The following HUNK variants were observed in gnomAD, a reference collection of about 807,000 sequenced individuals.
HUNK encodes hormonally up-regulated Neu-associated kinase, also known as hormonally up-regulated neu tumor-associated kinase.
Under a neutral mutation model 61.0 loss-of-function variants are expected in HUNK, and 21 were observed. The observed-to-expected ratio is 0.34, with a 90% confidence interval of 0.24 to 0.50. The LOEUF (loss-of-function observed/expected upper bound fraction) is 0.50, where lower values mean the gene tolerates loss of function less well. HUNK is among the 20% of genes least tolerant of loss of function. The pLI is 0.98. For synonymous variants in HUNK, 371 were observed against 386.1 expected (o/e 0.96, Z 0.46); for missense variants, 772 against 945.7 (o/e 0.82, Z 2.41).
At chr21:31,928,193 G>A (rs965579114) in intron 2 of HUNK, among the ~76,000 whole-genome samples, 1 of 152,116 alleles carries the variant, frequency 6.6e-6, no homozygotes, top group African/African-American at 2.4e-5. Context: ...ATAGAACCAG[G>A]GACTGGGAGC....
At chr21:31,945,717 C>T (rs2052797801) in intron 3 of HUNK, among the ~76,000 whole-genome samples, 1 of 152,056 alleles carries the variant, frequency 6.6e-6, no homozygotes, top group Non-Finnish European at 1.5e-5. Flanking sequence ...CGAATTCTCT[C>T]TTTTTTTCCT....
At chr21:31,918,331 C>T (rs2052599808) in intron 1 of HUNK, among the ~76,000 whole-genome samples, 1 of 152,136 alleles carries the variant, frequency 6.6e-6, no homozygotes. Context: ...AGCTTAAGGG[C>T]TCAGGGTTTT....
intron 4 of HUNK, among the ~76,000 whole-genome samples, chr21:31,952,000 A>G (rs150887237): frequency 2.4e-4 from 35 of 148,808 alleles, no homozygotes; most frequent in African/African-American, 8.3e-4. Context: ...TTAGCTTCTG[A>G]GATTATTCAG....
chr21:31,974,739 A>C (rs778491908), intron 7 of HUNK, 22 bp downstream of exon 7: 88 of 1,597,592 alleles, frequency 5.5e-5, no homozygotes, highest in Non-Finnish European at 7.3e-5. Context: ...CCTAGAGGCG[A>C]TCGTCTCTGC....
Position 31,970,671 on chromosome 21 carries a change from G to A in HUNK, c.1010+2286G>A, listed in dbSNP as rs115889501. On this transcript the variant is annotated intron_variant, in intron 6 of 10. Transcript: ENST00000270112. Reference sequence around the variant, plus strand: ...GAGCATAATCAATCCACTCAATGCGGCAACTGTTGAAGGAAGTGGAGTTGG... The same window carrying A: ...GAGCATAATCAATCCACTCAATGCGACAACTGTTGAAGGAAGTGGAGTTGG... 4.0e-3 allele frequency among the ~76,000 whole-genome samples: 607 copies of A among 152,290 alleles called. 5 individuals are homozygous for A. Among genetic ancestry groups the A allele is most frequent in the African/African-American group, 0.014 (579 of 41,548 alleles).
At position 31,924,266 on chromosome 21, in the gene HUNK, ATGTG is replaced by A. The variant is rs146734481; in HGVS notation, c.262-186_262-183del. On this transcript the variant is annotated intron_variant, in intron 1 of 10. Coordinates refer to ENST00000270112, the MANE Select transcript of HUNK (RefSeq NM_014586.2). This position sits in a 1 kb window ranked among gnomAD's most constrained non-coding sequence, Gnocchi z 5.1. Reference sequence around the variant, plus strand: ...TGATTTTTCCTAATGTTGTACCTATATGTGTGTGTGTGTGTGTGTTTGTGTGGTA... The same window carrying A: ...TGATTTTTCCTAATGTTGTACCTATATGTGTGTGTGTGTGTTTGTGTGGTA... Among the ~76,000 whole-genome samples, 1 of 81,314 alleles carries A rather than the reference ATGTG, an allele frequency of 1.2e-5. No homozygotes were observed. Among genetic ancestry groups the A allele is most frequent in the Non-Finnish European group, 2.5e-5 (1 of 40,040 alleles). 53.3% of individuals were successfully genotyped at this position (81,314 alleles called of 152,430 possible).
intron 6 of HUNK, 71 bp downstream of exon 6, chr21:31,968,456 G>T: frequency 6.4e-7 from 1 of 1,567,784 alleles, no homozygotes; most frequent in South Asian, 1.1e-5. Context: ...AGCAGTTCCG[G>T]ACAGAAAGCT....
At chr21:31,947,306 C>T (rs1016226788) in intron 4 of HUNK, among the ~76,000 whole-genome samples, 75 of 142,072 alleles carry the variant, frequency 5.3e-4, no homozygotes, top group African/African-American at 1.7e-3. Context: ...GTGGCGCCTG[C>T]GCATTCCCAC....
At chr21:31,912,622 G>C (rs2052554516) in intron 1 of HUNK, among the ~76,000 whole-genome samples, 2 of 152,090 alleles carry the variant, frequency 1.3e-5, no homozygotes, top group Non-Finnish European at 2.9e-5. Context: ...GCTCACTGCA[G>C]CGTCAACCTC....
chr21:31,982,472 G>T (rs1374412307), intron 7 of HUNK, among the ~76,000 whole-genome samples: 1 of 152,278 alleles, frequency 6.6e-6, no homozygotes, highest in South Asian at 2.1e-4. Flanking sequence ...GCCCAATCTA[G>T]TGAACTAAAA....
rs142883834 is a variant in HUNK, at chr21:31,908,564, G to A, written c.262-15904G>A. ...TCAGCGAGGAGGAACGGTTGTGAAT[G>A]TGTGACTTTTGAAAGGCAGGGAGGG... On this transcript the variant is annotated intron_variant, in intron 1 of 10. Transcript: ENST00000270112. Among the ~76,000 whole-genome samples the A allele has an allele frequency of 9.9e-5, 15 of 152,272 alleles. No individual in the cohort carries two copies. In the East Asian group the frequency reaches 2.7e-3, roughly 27 times the overall value.
chr21:31,970,866 G>T (rs770808298), intron 6 of HUNK, among the ~76,000 whole-genome samples: 5 of 152,052 alleles, frequency 3.3e-5, no homozygotes, highest in Non-Finnish European at 7.4e-5. Context: ...TTATTGTAAT[G>T]GTTTTTGCAT....
rs1171433710 is a variant in HUNK at position 31,995,862 on chromosome 21, C to T, written c.1400C>T (p.Pro467Leu). 3.1e-6 allele frequency: 5 copies of T among 1,613,822 alleles called. No homozygotes were observed. In the African/African-American group the frequency reaches 6.7e-5, roughly 22 times the overall value. The change falls in exon 10 of 11, where the codon CCC becomes CTC. Residue 467 changes from proline (P) to leucine (L), a missense_variant. By Grantham distance (98) the Pro-to-Leu change is moderately conservative (BLOSUM62 -3). Coordinates refer to ENST00000270112, the MANE Select transcript of HUNK (RefSeq NM_014586.2). ...LDKNLPSHKQ[P>L]SGSLMTQIQN... is the part of the protein sequence containing the mutation. Reference sequence around the variant, plus strand: ...AAGAACCTGCCCTCGCACAAACAGCCCTCAGGCTCGCTTATGACACAGATT... The same window carrying T: ...AAGAACCTGCCCTCGCACAAACAGCTCTCAGGCTCGCTTATGACACAGATT...
intron 1 of HUNK, among the ~76,000 whole-genome samples, chr21:31,875,042 G>A (rs2052249757): frequency 6.6e-6 from 1 of 152,152 alleles, no homozygotes; most frequent in South Asian, 2.1e-4. Flanking sequence ...GGCTGGGGGT[G>A]GCTCAAACCT....
intron 1 of HUNK, among the ~76,000 whole-genome samples, chr21:31,909,672 TAA>T (rs1472129924): frequency 6.6e-6 from 1 of 152,196 alleles, no homozygotes; most frequent in East Asian, 1.9e-4. Context: ...TGGGCCCCTG[TAA>T]AAGACAGGGA....
At chr21:31,876,476 G>A (rs1033090749) in intron 1 of HUNK, among the ~76,000 whole-genome samples, 10 of 152,218 alleles carry the variant, frequency 6.6e-5, no homozygotes, top group African/African-American at 2.4e-4. Context: ...ATGGTTGTGT[G>A]TGTATGCTTG....
chr21:31,991,771 A>G (rs1293934077), intron 9 of HUNK, among the ~76,000 whole-genome samples: 1 of 152,120 alleles, frequency 6.6e-6, no homozygotes, highest in Non-Finnish European at 1.5e-5. Context: ...ACTCAAAGAA[A>G]ACTTACCTCA....
chr21:31,923,527 AAGGG>A (rs1464072657), intron 1 of HUNK, among the ~76,000 whole-genome samples: 2 of 131,772 alleles, frequency 1.5e-5, no homozygotes, highest in African/African-American at 2.8e-5. Flanking sequence ...AGGAGGGAGG[AAGGG>A]AGGGAGGAAG....
chr21:31,913,573 G>A (rs948218499), intron 1 of HUNK, among the ~76,000 whole-genome samples: 1 of 152,008 alleles, frequency 6.6e-6, no homozygotes, highest in African/African-American at 2.4e-5. Context: ...CCAGAGAGGA[G>A]TTGGGGCCGG....
Sources: allele counts gnomAD v4.1 joint callset (sites outside exome capture counted in the v4.1 genomes callset), GRCh38; gene constraint gnomAD v4.1.1; non-coding constraint Gnocchi (gnomAD v3.1); transcripts MANE v1.5; gene names NCBI Gene and HGNC (gene_info 2026-07-23, HGNC 2026-07-21).